The following CKAP2L variants were observed in gnomAD, a reference collection of about 807,000 sequenced individuals.
CKAP2L encodes the protein cytoskeleton-associated protein 2-like.
CKAP2L carries 42 observed loss-of-function variants against 65.7 expected under a neutral mutation model. That is an observed-to-expected ratio of 0.64 (90% CI 0.50 to 0.83). The LOEUF (loss-of-function observed/expected upper bound fraction) is 0.83. Among genes scored for constraint, CKAP2L ranks in the 40% least tolerant of loss-of-function variants. The pLI is 0.00. For missense variants in CKAP2L, 908 were observed against 871.0 expected, an observed-to-expected ratio of 1.04 and a Z score of -0.53; for synonymous variants, 325 against 313.5, an observed-to-expected ratio of 1.04 and a Z score of -0.39.
intron 5 of CKAP2L, 78 bp from the exon 6 acceptor site, chr2:112,746,653 C>T (rs992759871): frequency 9.1e-7 from 1 of 1,099,136 alleles, no homozygotes; most frequent in Non-Finnish European, 1.3e-6. Context: ...TTTATTACAG[C>T]AGGTATGCAG....
At chr2:112,753,141 A>C (rs992954741) in intron 4 of CKAP2L, among the ~76,000 whole-genome samples, 1 of 152,196 alleles carries the variant, frequency 6.6e-6, no homozygotes, top group African/African-American at 2.4e-5. Flanking sequence ...CAGTTTCTTT[A>C]AATTACAACT....
rs771302250 is a variant in CKAP2L, at chr2:112,756,160, T to C, written c.1211A>G (p.Asn404Ser). Residue 404 changes from asparagine (N) to serine (S), a missense_variant, in exon 4 of 9, where the codon AAT (asparagine) becomes AGT (serine). Coordinates refer to ENST00000302450, the MANE Select transcript of CKAP2L (RefSeq NM_152515.5). ...PSIRPNGTSG[N>S]KHNNNGFQQK... ...CTGAAAGCCATTATTGTTATGTTTA[T>C]TACCACTGGTTCCATTTGGTCTTAT... The C allele has an allele frequency of 3.1e-6, 5 of 1,614,032 alleles. No homozygotes were observed. The highest frequency in any genetic ancestry group is 1.7e-6 in the Non-Finnish European group (2 of 1,179,990).
In CKAP2L at chr2:112,757,169, C is replaced by T. The variant is rs956430455; in HGVS notation, c.202G>A (p.Val68Ile). ...NDVTNHVVLP[V>I]KPKRSISIKL... ...ATGCTGATGGACCTTTTAGGTTTGA[C>T]AGGCAAAACAACATGGTTGGTAACA... The change falls in exon 4 of 9, where the codon GTC becomes ATC. Residue 68 changes from valine (V) to isoleucine (I), a missense_variant. Physicochemically the swap from Val to Ile is conservative, Grantham distance 29. Transcript: ENST00000302450. 1.9e-6 allele frequency: 3 copies of T among 1,612,946 alleles called. No homozygotes were observed. Among genetic ancestry groups the T allele is most frequent in the East Asian group, 2.2e-5 (1 of 44,850 alleles).
intron 8 of CKAP2L, among the ~76,000 whole-genome samples, chr2:112,740,081 T>C (rs953236284): frequency 1.3e-5 from 2 of 152,242 alleles, no homozygotes; most frequent in African/African-American, 4.8e-5. Flanking sequence ...TTGTGAATTC[T>C]AGAGCCATTA....
rs1679177975 is a variant in CKAP2L at position 112,736,413 on chromosome 2, TATAG to T, written c.*2406_*2409del. ...TTACAACATGATGTTATGGGATACA[TATAG>T]ATAATAAAATGGCTGCTATAGTGAA... On this transcript the variant is annotated 3_prime_UTR_variant, in exon 9 of 9. Coordinates refer to ENST00000302450, the MANE Select transcript of CKAP2L (RefSeq NM_152515.5). 6.6e-6 allele frequency among the ~76,000 whole-genome samples: 1 copy of T among 152,164 alleles called. No individual in the cohort carries two copies. The highest frequency in any genetic ancestry group is 1.5e-5 in the Non-Finnish European group (1 of 68,034).
At chr2:112,746,280 A>T in intron 6 of CKAP2L, 140 bp downstream of exon 6, 1 of 557,758 alleles carries the variant, frequency 1.8e-6, no homozygotes, top group Non-Finnish European at 3.0e-6. Flanking sequence ...ATATATTTTT[A>T]AGTTCTTTAT....
rs753370153 is a variant in CKAP2L at position 112,738,791 on chromosome 2, GA to G, written c.*31del. ...ATATTTCTTGTCTTATGTTGGTTCT[GA>G]AACACCTTTTTTAAAAAAAGCATCA... On this transcript the variant is annotated 3_prime_UTR_variant, in exon 9 of 9. Transcript: ENST00000302450. 4.9e-6 allele frequency: 7 copies of G among 1,440,066 alleles called. No homozygotes were observed. In the South Asian group the frequency reaches 5.7e-5, roughly 12 times the overall value. 89.2% of individuals were successfully genotyped at this position (1,440,066 alleles called of 1,614,324 possible).
chr2:112,756,307 T>A lies in CKAP2L; in HGVS notation c.1064A>T (p.Gln355Leu), dbSNP rs1245262904. The A allele has an allele frequency of 1.2e-6, 2 of 1,613,790 alleles. No homozygotes were observed. ...NNRHPNIKQD[Q>L]KSSQVCIPQT... Reference sequence around the variant, plus strand: ...AGGTATACAAACTTGGCTGGACTTCTGATCTTGCTTGATGTTTGGATGTCT... The same window carrying A: ...AGGTATACAAACTTGGCTGGACTTCAGATCTTGCTTGATGTTTGGATGTCT... Residue 355 changes from glutamine (Q) to leucine (L), a missense_variant, in exon 4 of 9, where the codon CAG becomes CTG. Transcript: ENST00000302450.
intron 3 of CKAP2L, among the ~76,000 whole-genome samples, chr2:112,759,233 C>T (rs1680636561): frequency 1.0e-5 from 1 of 96,872 alleles, no homozygotes; most frequent in South Asian, 2.9e-4. Flanking sequence ...AAGAGTACTG[C>T]TTTTTACTCT....
chr2:112,755,690 T>A (rs1047398750), intron 4 of CKAP2L, among the ~76,000 whole-genome samples: 7 of 151,972 alleles, frequency 4.6e-5, no homozygotes, highest in African/African-American at 1.5e-4. Flanking sequence ...TGTCTACATC[T>A]GCACCCCCTA....
At position 112,756,035 on chromosome 2, in the gene CKAP2L, C is replaced by A; in HGVS notation, c.1336G>T (p.Val446Leu). Residue 446 changes from valine to leucine, a missense_variant, in exon 4 of 9, where the codon GTA becomes TTA. By Grantham distance (32) the Val-to-Leu change is conservative. Transcript: ENST00000302450. The part of the protein sequence containing the change: ...APKTQADVTT[V>L]NGTQTNPNIK... ...TTTGGGTTTGTTTGGGTCCCATTTA[C>A]GGTTGTGACATCAGCTTGAGTTTTG... is the stretch of plus-strand genomic sequence containing the variant. 1 of 1,611,944 alleles carries A rather than the reference C, an allele frequency of 6.2e-7. No individual in the cohort carries two copies. Among genetic ancestry groups the A allele is most frequent in the East Asian group, 2.2e-5 (1 of 44,880 alleles).
At chr2:112,746,291 G>T in intron 6 of CKAP2L, 129 bp downstream of exon 6, 1 of 615,482 alleles carries the variant, frequency 1.6e-6, no homozygotes, top group African/African-American at 1.8e-5. Flanking sequence ...AGTTCTTTAT[G>T]GTAAGGTATG....
At chr2:112,755,259 G>GTTAC (rs1176544489) in intron 4 of CKAP2L, among the ~76,000 whole-genome samples, 1 of 152,190 alleles carries the variant, frequency 6.6e-6, no homozygotes, top group Non-Finnish European at 1.5e-5. Flanking sequence ...TTTAATCAAT[G>GTTAC]TATGTTAATA....
At chr2:112,748,761 T>C (rs1383869228) in intron 5 of CKAP2L, among the ~76,000 whole-genome samples, 1 of 151,890 alleles carries the variant, frequency 6.6e-6, no homozygotes, top group Admixed American at 6.6e-5. Flanking sequence ...CTCAGGAGGC[T>C]GAGGTGGAGG....
intron 8 of CKAP2L, among the ~76,000 whole-genome samples, chr2:112,740,433 T>G (rs1679840913): frequency 6.6e-6 from 1 of 152,240 alleles, no homozygotes; most frequent in Admixed American, 6.5e-5. Context: ...ATAAAACGTT[T>G]CTGACTTTAT....
chr2:112,764,469 G>A (rs1219922039), intron 1 of CKAP2L, 93 bp downstream of exon 1: 34 of 1,388,544 alleles, frequency 2.4e-5, no homozygotes, highest in African/African-American at 8.5e-5. Context: ...GAGCGGACGG[G>A]CACCTCCCGC....
chr2:112,746,636 C>A, intron 5 of CKAP2L, 61 bp from the exon 6 acceptor site: 1 of 1,272,320 alleles, frequency 7.9e-7, no homozygotes, highest in South Asian at 1.4e-5. Flanking sequence ...TCTCACATCT[C>A]CTAATATTTA....
chr2:112,753,877 C>T (rs1157694122), intron 4 of CKAP2L, among the ~76,000 whole-genome samples: 1 of 152,118 alleles, frequency 6.6e-6, no homozygotes, highest in Non-Finnish European at 1.5e-5. Context: ...GGTCTTGCAT[C>T]TTCAGTCCTC....
rs886766436 is a variant in CKAP2L, at chr2:112,737,332, T to G, written c.*1491A>C. The G allele has an allele frequency of 6.6e-6, 1 of 152,234 alleles. No individual in the cohort carries two copies. Among genetic ancestry groups the G allele is most frequent in the African/African-American group, 2.4e-5 (1 of 41,462 alleles). The allele number at this position is 152,234 out of a possible 1,614,324, so 9.4% of individuals were successfully genotyped here. Reference sequence around the variant, plus strand: ...GTTTTCCATAACGGCTGCCCCAGTCTACACGCCCACAAACAGTGTACTAGG... The same window carrying G: ...GTTTTCCATAACGGCTGCCCCAGTCGACACGCCCACAAACAGTGTACTAGG... On this transcript the variant is annotated 3_prime_UTR_variant, in exon 9 of 9. Coordinates refer to ENST00000302450, the MANE Select transcript of CKAP2L (RefSeq NM_152515.5).
Sources: allele counts gnomAD v4.1 joint callset (sites outside exome capture counted in the v4.1 genomes callset), GRCh38; gene constraint gnomAD v4.1.1; transcripts MANE v1.5; gene names NCBI Gene and HGNC (gene_info 2026-07-23, HGNC 2026-07-21).